The following ASPH variants were observed in gnomAD, a reference collection of about 807,000 sequenced individuals.
ASPH encodes aspartyl/asparaginyl beta-hydroxylase.
In ASPH, 100 loss-of-function variants were observed where a neutral mutation model predicts 118.4. The observed-to-expected ratio is 0.84, with a 90% CI of 0.72 to 1.00. The LOEUF is 1.00. Among genes scored for constraint, ASPH ranks in the 50% least tolerant of loss-of-function variants. The probability of loss-of-function intolerance (pLI) is 0.00; values close to 1 mark genes in which losing one functional copy is unlikely to be tolerated. For missense variants in ASPH, 920 were observed against 919.5 expected, an observed-to-expected ratio of 1.00 and a Z score of -0.01; for synonymous variants, 315 against 325.6, an observed-to-expected ratio of 0.97 and a Z score of 0.35.
intron 14 of ASPH, among the ~76,000 whole-genome samples, chr8:61,594,238 A>G (rs1157276955): frequency 6.6e-6 from 1 of 152,178 alleles, no homozygotes; most frequent in Admixed American, 6.5e-5. Flanking sequence ...TGCACAACAC[A>G]TTTTTTAAAT....
rs767022760 is a variant in ASPH, at chr8:61,501,485, G to GACTT, written c.*1870_*1873dup. ...TGTAAGATGATGGCTCAAAAATGAC[G>GACTT]ACTTATAGTTTGAATTTATGTGTAT... On this transcript the variant is annotated 3_prime_UTR_variant, in exon 25 of 25. Transcript: ENST00000379454. The GACTT allele has an allele frequency of 6.6e-6, 1 of 151,958 alleles. No homozygotes were observed. Among genetic ancestry groups the GACTT allele is most frequent in the Non-Finnish European group, 1.5e-5 (1 of 67,982 alleles). 9.4% of individuals were successfully genotyped at this position (151,958 alleles called of 1,614,324 possible).
At chr8:61,650,605 C>A (rs1057219139) in intron 5 of ASPH, among the ~76,000 whole-genome samples, 2 of 152,170 alleles carry the variant, frequency 1.3e-5, no homozygotes, top group Admixed American at 1.3e-4. Context: ...TGCATTCTCA[C>A]GTTTTTTTTC....
chr8:61,515,108 G>A (rs1810403173), intron 24 of ASPH, among the ~76,000 whole-genome samples: 1 of 151,972 alleles, frequency 6.6e-6, no homozygotes, highest in Admixed American at 6.6e-5. Flanking sequence ...CAAGTGAGCT[G>A]GTGAAAGAAC....
At chr8:61,564,206 A>G (rs1013174808) in intron 17 of ASPH, among the ~76,000 whole-genome samples, 1 of 152,166 alleles carries the variant, frequency 6.6e-6, no homozygotes, top group Non-Finnish European at 1.5e-5. Flanking sequence ...GATGAAGAAA[A>G]TGTTAACACT....
intron 14 of ASPH, among the ~76,000 whole-genome samples, chr8:61,589,445 A>G (rs1840437685): frequency 2.0e-5 from 3 of 152,204 alleles, no homozygotes; most frequent in African/African-American, 4.8e-5. Context: ...TCACTCACCC[A>G]TGTTTAAGAC....
Position 61,699,402 on chromosome 8 carries a change from G to A in ASPH, c.103+14867C>T, listed in dbSNP as rs12680239. Among the ~76,000 whole-genome samples the A allele has an allele frequency of 9.3e-4, 141 of 152,184 alleles. 2 individuals carry two copies. The East Asian group carries it at 0.019, about 20-fold the overall frequency. ...TGTTTATAAATTCCAAAAATCCCTCGCCATAAGACAAATGAGAGAGGGGTA... is the reference window on the plus strand; with the variant it reads ...TGTTTATAAATTCCAAAAATCCCTCACCATAAGACAAATGAGAGAGGGGTA... On this transcript the variant is annotated intron_variant, in intron 1 of 24. Transcript: ENST00000379454.
chr8:61,712,863 T>C (rs745742093), intron 1 of ASPH, among the ~76,000 whole-genome samples: 19 of 152,186 alleles, frequency 1.2e-4, no homozygotes, highest in African/African-American at 3.1e-4. Context: ...CTCTGGCAAA[T>C]AGCTACAGAA....
intron 3 of ASPH, among the ~76,000 whole-genome samples, chr8:61,667,857 C>CT (rs1253742939): frequency 6.6e-6 from 1 of 152,006 alleles, no homozygotes; most frequent in Non-Finnish European, 1.5e-5. Flanking sequence ...AAGACTTCAT[C>CT]TTTTTTTCCC....
intron 22 of ASPH, among the ~76,000 whole-genome samples, chr8:61,523,013 A>G (rs1041898410): frequency 1.3e-5 from 2 of 152,180 alleles, no homozygotes; most frequent in Non-Finnish European, 2.9e-5. Flanking sequence ...CCGTAATTTT[A>G]CTTCCCAAAA....
At chr8:61,708,671 G>A (rs1563673664) in intron 1 of ASPH, among the ~76,000 whole-genome samples, 1 of 152,188 alleles carries the variant, frequency 6.6e-6, no homozygotes, top group Non-Finnish European at 1.5e-5. Context: ...TTACAACAAT[G>A]CTGGTTGTGA....
At position 61,646,982 on chromosome 8, in the gene ASPH, C is replaced by A. The variant is rs542744354; in HGVS notation, c.491-104G>T. 71 of 1,491,884 alleles carry A rather than the reference C, an allele frequency of 4.8e-5. No individual in the cohort carries two copies. In the East Asian group the frequency reaches 1.2e-3, roughly 24 times the overall value. 92.4% of individuals were successfully genotyped at this position (1,491,884 alleles called of 1,614,324 possible). A position where few individuals can be genotyped will look rare whatever the true frequency, so the allele number is the denominator to read the frequency against. On this transcript the variant is annotated intron_variant, in intron 5 of 24. Coordinates refer to ENST00000379454, the MANE Select transcript of ASPH (RefSeq NM_004318.4). ...GCTCCTGCTGCTGGGGCTTCCCCTG[C>A]CCCTCCTTTCGGCCGCTGAAGACAC...
chr8:61,555,784 T>C (rs1827655409), intron 19 of ASPH, 140 bp downstream of exon 19: 2 of 671,576 alleles, frequency 3.0e-6, no homozygotes, highest in Non-Finnish European at 4.9e-6. Context: ...TGCTTATGAA[T>C]GTCATGGTCT....
intron 1 of ASPH, among the ~76,000 whole-genome samples, chr8:61,692,057 C>T (rs1005617459): frequency 2.0e-5 from 3 of 152,328 alleles, no homozygotes; most frequent in African/African-American, 4.8e-5. Context: ...AACACAGCTC[C>T]AATTATTTCT....
intron 3 of ASPH, 128 bp from the exon 4 acceptor site, chr8:61,653,788 T>C (rs1192305362): frequency 3.0e-6 from 3 of 983,680 alleles, no homozygotes; most frequent in African/African-American, 1.6e-5. Flanking sequence ...TAAAATTGTA[T>C]GCTTAAAAAG....
chr8:61,564,410 T>C (rs891959942), intron 17 of ASPH, among the ~76,000 whole-genome samples: 8 of 151,648 alleles, frequency 5.3e-5, no homozygotes, highest in Non-Finnish European at 1.5e-5. Context: ...GTGATTCTCC[T>C]GCCTCAGCCT....
chr8:61,542,782 A>G (rs986218647), intron 21 of ASPH, among the ~76,000 whole-genome samples: 1 of 152,194 alleles, frequency 6.6e-6, no homozygotes, highest in Non-Finnish European at 1.5e-5. Context: ...GTAGAGCAAG[A>G]AATATTGGCT....
At chr8:61,507,378 G>C (rs1345773129) in intron 24 of ASPH, among the ~76,000 whole-genome samples, 1 of 152,210 alleles carries the variant, frequency 6.6e-6, no homozygotes, top group African/African-American at 2.4e-5. Flanking sequence ...TGGGGAAAGT[G>C]AGTGCTGTCG....
intron 22 of ASPH, among the ~76,000 whole-genome samples, chr8:61,522,480 C>T (rs79611954): frequency 1.3e-5 from 2 of 152,258 alleles, no homozygotes; most frequent in South Asian, 4.2e-4. Flanking sequence ...GGTTTGGCTG[C>T]ATCCCCACCC....
intron 14 of ASPH, among the ~76,000 whole-genome samples, chr8:61,592,186 A>G (rs913130038): frequency 1.6e-4 from 24 of 152,218 alleles, no homozygotes; most frequent in African/African-American, 5.8e-4. Flanking sequence ...TTCCTACTAC[A>G]GTAAAGGAAA....
Sources: allele counts gnomAD v4.1 joint callset (sites outside exome capture counted in the v4.1 genomes callset), GRCh38; gene constraint gnomAD v4.1.1; transcripts MANE v1.5; gene names NCBI Gene and HGNC (gene_info 2026-07-23, HGNC 2026-07-21).